The following MYMK variants were observed in gnomAD, a reference collection of about 807,000 sequenced individuals.
The protein encoded by MYMK is protein myomaker.
In MYMK, 16 loss-of-function variants were observed where a neutral mutation model predicts 22.4. The ratio of observed to expected loss-of-function variants is 0.72; its 90% confidence interval spans 0.48 to 1.09. MYMK has a LOEUF of 1.09. Ranked by LOEUF, MYMK falls within the 50% of genes least tolerant of loss-of-function variation. MYMK has a pLI of 0.00. For synonymous variants in MYMK, 125 were observed against 127.0 expected, an observed-to-expected ratio of 0.98 and a Z score of 0.11; for missense variants, 250 against 295.6, an observed-to-expected ratio of 0.85 and a Z score of 1.13.
intron 3 of MYMK, among the ~76,000 whole-genome samples, chr9:133,518,103 C>A (rs1182630038): frequency 6.6e-6 from 1 of 152,246 alleles, no homozygotes; most frequent in Non-Finnish European, 1.5e-5. Flanking sequence ...CTCCCCAGGT[C>A]TGGGAGACCC....
chr9:133,517,331 C>T (rs1412143923), intron 3 of MYMK, among the ~76,000 whole-genome samples: 1 of 152,114 alleles, frequency 6.6e-6, no homozygotes, highest in Non-Finnish European at 1.5e-5. Context: ...GCTGCTTCCT[C>T]AGGTTGCAGA....
At chr9:133,523,562 C>T (rs894294613) in intron 1 of MYMK, among the ~76,000 whole-genome samples, 7 of 151,824 alleles carry the variant, frequency 4.6e-5, no homozygotes, top group Non-Finnish European at 1.0e-4. Context: ...TGGAGAAAGT[C>T]GGAAAGACCC....
intron 1 of MYMK, among the ~76,000 whole-genome samples, chr9:133,522,178 C>T (rs1844710160): frequency 6.6e-6 from 1 of 152,272 alleles, no homozygotes; most frequent in African/African-American, 2.4e-5. Context: ...CAGAGCAGTG[C>T]TTGGCACCTG....
chr9:133,524,540 G>A (rs559124327), intron 1 of MYMK, among the ~76,000 whole-genome samples, 170 bp downstream of exon 1: 2 of 152,234 alleles, frequency 1.3e-5, no homozygotes, highest in African/African-American at 4.8e-5. Context: ...ATAGGGGAAG[G>A]GACTCCCCTA....
intron 1 of MYMK, among the ~76,000 whole-genome samples, chr9:133,524,213 G>C (rs1312031520): frequency 1.3e-5 from 2 of 151,998 alleles, no homozygotes; most frequent in Non-Finnish European, 2.9e-5. Flanking sequence ...TCCTGAACCA[G>C]AGCAGCTCCA....
chr9:133,517,659 T>TAA (rs1844647120), intron 3 of MYMK, among the ~76,000 whole-genome samples: 1 of 90,934 alleles, frequency 1.1e-5, no homozygotes, highest in Non-Finnish European at 2.2e-5. Flanking sequence ...AGAGCAAAAC[T>TAA]CCGTCTCAAA....
Position 133,515,131 on chromosome 9 carries a change from A to G in MYMK, c.517-346T>C, listed in dbSNP as rs1226362317. Among the ~76,000 whole-genome samples, 3 of 92,424 alleles carry G rather than the reference A, an allele frequency of 3.2e-5. No homozygotes were observed. Among genetic ancestry groups the G allele is most frequent in the African/African-American group, 1.3e-4 (3 of 23,084 alleles). 60.6% of individuals were successfully genotyped at this position (92,424 alleles called of 152,430 possible). On this transcript the variant is annotated intron_variant, in intron 4 of 4. Coordinates refer to ENST00000339996, the MANE Select transcript of MYMK (RefSeq NM_001080483.3). This position sits in a 1 kb window ranked among gnomAD's most constrained non-coding sequence, Gnocchi z 5.8. ...TCCCCTGTTCCTCCCTCCCTCCTCC[A>G]CTTTCTCCCTCCTTCCTTCCCTGTC...
rs1844623653 is a variant in MYMK at position 133,515,748 on chromosome 9, C to T, written c.400-141G>A. 3 of 610,830 alleles carry T rather than the reference C, an allele frequency of 4.9e-6. No individual in the cohort carries two copies. The African/African-American group carries it at 5.5e-5, about 11-fold the overall frequency. The allele number at this position is 610,830 out of a possible 1,614,324, so 37.8% of individuals were successfully genotyped here. On this transcript the variant is annotated intron_variant, in intron 3 of 4. Transcript: ENST00000339996. The surrounding 1 kb of genome is among the most constrained non-coding windows in gnomAD (Gnocchi z 5.8). Reference sequence around the variant, plus strand: ...GGAGAGGAGGCTCAGGAGCCTCCTGCCGCACCCAGCCTCAGATGGCTTCTG... The same window carrying T: ...GGAGAGGAGGCTCAGGAGCCTCCTGTCGCACCCAGCCTCAGATGGCTTCTG...
intron 1 of MYMK, among the ~76,000 whole-genome samples, chr9:133,521,982 T>C (rs959899212): frequency 6.6e-6 from 1 of 152,232 alleles, no homozygotes; most frequent in African/African-American, 2.4e-5. Context: ...CATAGAGTGC[T>C]TGCTGCATGT....
chr9:133,522,091 A>G (rs1376094247), intron 1 of MYMK, among the ~76,000 whole-genome samples: 2 of 152,228 alleles, frequency 1.3e-5, no homozygotes, highest in African/African-American at 2.4e-5. Context: ...GCTCCTCCCA[A>G]TGGTGGGAAC....
Position 133,524,944 on chromosome 9 carries a change from G to A in MYMK, c.-100C>T. 1.4e-6 allele frequency: 2 copies of A among 1,395,212 alleles called. No homozygotes were observed. The highest frequency in any genetic ancestry group is 9.7e-7 in the Non-Finnish European group (1 of 1,035,256). 86.4% of individuals were successfully genotyped at this position (1,395,212 alleles called of 1,614,324 possible). A position where few individuals can be genotyped will look rare whatever the true frequency, so the allele number is the denominator to read the frequency against. ...GGGAAGGCCAGCTCCCTTTGGGCAG[G>A]GCTCTGATGGCAGCTGCGGGGAGCA... On this transcript the variant is annotated 5_prime_UTR_variant, in exon 1 of 5. Coordinates refer to ENST00000339996, the MANE Select transcript of MYMK (RefSeq NM_001080483.3).
In MYMK at chr9:133,515,460, G is replaced by T; in HGVS notation, c.516+31C>A. 1 of 1,456,518 alleles carries T rather than the reference G, an allele frequency of 6.9e-7. No individual in the cohort carries two copies. The highest frequency in any genetic ancestry group is 9.6e-7 in the Non-Finnish European group (1 of 1,038,276). 90.2% of individuals were successfully genotyped at this position (1,456,518 alleles called of 1,614,324 possible). A position where few individuals can be genotyped will look rare whatever the true frequency, so the allele number is the denominator to read the frequency against. On this transcript the variant is annotated intron_variant, in intron 4 of 4. Coordinates refer to ENST00000339996, the MANE Select transcript of MYMK (RefSeq NM_001080483.3). The surrounding 1 kb of genome is among the most constrained non-coding windows in gnomAD (Gnocchi z 5.8). The stretch of plus-strand genomic sequence containing the variant: ...AGAGCCATGCCGAGTGGGCTCTGGG[G>T]CACAGGACACCTCCCCGCTGGGCTT...
intron 1 of MYMK, among the ~76,000 whole-genome samples, chr9:133,524,182 G>C (rs1266967610): frequency 6.6e-6 from 1 of 151,988 alleles, no homozygotes; most frequent in Admixed American, 6.6e-5. Flanking sequence ...GGCCCCAGAA[G>C]AGGGAGAGAC....
Position 133,514,608 on chromosome 9 carries a change from G to A in MYMK, c.*28C>T, listed in dbSNP as rs765652694. On this transcript the variant is annotated 3_prime_UTR_variant, in exon 5 of 5. Coordinates refer to ENST00000339996, the MANE Select transcript of MYMK (RefSeq NM_001080483.3). ...GGCCAAGTGTGAGCTGGGGAGGGCA[G>A]GGGCTCAGAGCCGGGCTGGGCGCAG... 2.5e-6 allele frequency: 4 copies of A among 1,602,314 alleles called. No homozygotes were observed. In the South Asian group the frequency reaches 4.5e-5, roughly 18 times the overall value.
rs564074258 is a variant in MYMK at position 133,521,252 on chromosome 9, T to C, written c.136-964A>G. ...ATTCGCATTTCATCATTTTAGGTAA[T>C]ATTTAATTACATGACATAATTATTT... is the stretch of plus-strand genomic sequence containing the variant. On this transcript the variant is annotated intron_variant, in intron 1 of 4. Coordinates refer to ENST00000339996, the MANE Select transcript of MYMK (RefSeq NM_001080483.3). Among the ~76,000 whole-genome samples the C allele has an allele frequency of 1.1e-4, 16 of 152,356 alleles. 1 individual carries two copies. The highest frequency in any genetic ancestry group is 1.0e-3 in the Admixed American group (16 of 15,308).
In MYMK at chr9:133,515,421, T is replaced by C. The variant is rs28710286; in HGVS notation, c.516+70A>G. 2 of 1,093,358 alleles carry C rather than the reference T, an allele frequency of 1.8e-6. No individual in the cohort carries two copies. The highest frequency in any genetic ancestry group is 2.8e-6 in the Non-Finnish European group (2 of 721,452). The allele number at this position is 1,093,358 out of a possible 1,614,324, so 67.7% of individuals were successfully genotyped here. On this transcript the variant is annotated intron_variant, in intron 4 of 4. Coordinates refer to ENST00000339996, the MANE Select transcript of MYMK (RefSeq NM_001080483.3). This position sits in a 1 kb window ranked among gnomAD's most constrained non-coding sequence, Gnocchi z 5.8. Reference sequence around the variant, plus strand: ...CCCCCCAGCGTGGGCACAGCCCTGGTATCCCAGCTGAGCAGAGCCATGCCG... The same window carrying C: ...CCCCCCAGCGTGGGCACAGCCCTGGCATCCCAGCTGAGCAGAGCCATGCCG...
Position 133,519,034 on chromosome 9 carries a change from A to G in MYMK, c.251-12T>C, listed in dbSNP as rs546659780. 31 of 1,613,410 alleles carry G rather than the reference A, an allele frequency of 1.9e-5. No homozygotes were observed. The highest frequency in any genetic ancestry group is 1.9e-4 in the African/African-American group (14 of 74,982). ...GAAGTCGGCCAGTGCTGGAGGGGCC[A>G]GGGAGACACAGGGGGAGGTGAGTGG... On this transcript the variant is annotated splice_polypyrimidine_tract_variant and intron_variant, in intron 2 of 4. Transcript: ENST00000339996.
Position 133,520,191 on chromosome 9 carries a change from A to G in MYMK, c.233T>C (p.Met78Thr). Residue 78 changes from methionine (M) to threonine (T), a missense_variant, in exon 2 of 5, where the codon ATG (methionine) becomes ACG (threonine). Coordinates refer to ENST00000339996, the MANE Select transcript of MYMK (RefSeq NM_001080483.3). ...CCACTCACCCATCAGCGAGACCCAC[A>G]TGCTCAGGGCTGTCCCGTAGACACT... ...YFSVYGTALS[M>T]WVSLMALADF... 6.2e-7 allele frequency: 1 copy of G among 1,614,000 alleles called. No homozygotes were observed. The highest frequency in any genetic ancestry group is 8.5e-7 in the Non-Finnish European group (1 of 1,179,960).
At chr9:133,517,408 G>A (rs886877995) in intron 3 of MYMK, among the ~76,000 whole-genome samples, 1 of 152,208 alleles carries the variant, frequency 6.6e-6, no homozygotes, top group Non-Finnish European at 1.5e-5. Context: ...GCTCATGCCT[G>A]TAATTCCAGC....
Sources: gnomAD v4.1 joint callset for allele counts (sites outside exome capture counted in the v4.1 genomes callset) on GRCh38, gnomAD v4.1.1 for gene constraint, Gnocchi (gnomAD v3.1) non-coding constraint, MANE v1.5 for transcripts, NCBI Gene and HGNC (gene_info 2026-07-23, HGNC 2026-07-21) for gene names.